SHANK2: variants seen among roughly 807,000 people sequenced by gnomAD.
SHANK2 encodes SH3 and multiple ankyrin repeat domains 2.
Under a neutral mutation model 133.7 loss-of-function variants are expected in SHANK2, and 43 were observed. That is an observed-to-expected ratio of 0.32 (90% CI 0.25 to 0.41). The LOEUF (loss-of-function observed/expected upper bound fraction) is 0.41, where lower values mean the gene tolerates loss of function less well. Ranked by LOEUF, SHANK2 falls within the 10% of genes least tolerant of loss-of-function variation. SHANK2 has a pLI of 1.00. For synonymous variants in SHANK2, 1,017 were observed against 952.8 expected, an observed-to-expected ratio of 1.07 and a Z score of -1.24; for missense variants, 1,994 against 2,235.8, an observed-to-expected ratio of 0.89 and a Z score of 2.18.
At chr11:70,905,588 G>A (rs1555077757) in intron 10 of SHANK2, among the ~76,000 whole-genome samples, 1 of 152,130 alleles carries the variant, frequency 6.6e-6, no homozygotes, top group Non-Finnish European at 1.5e-5. Flanking sequence ...AGGTCATGAG[G>A]GTGGAGCCCT....
intron 17 of SHANK2, among the ~76,000 whole-genome samples, chr11:70,537,630 T>C (rs1477779000): frequency 3.3e-5 from 5 of 152,236 alleles, no homozygotes; most frequent in Admixed American, 1.3e-4. Flanking sequence ...CTCCCAGGAC[T>C]GTAGGGGAAC....
At chr11:70,863,637 A>C (rs1949299743) in intron 11 of SHANK2, 8 of 433,898 alleles carry the variant, frequency 1.8e-5, no homozygotes, top group Admixed American at 4.8e-5. Flanking sequence ...CTTTCAGTCA[A>C]CATCTGGTCC....
rs59714843 is a variant in SHANK2 at position 70,918,017 on chromosome 11, GTTTTTTTTT to G, written c.1108-21459_1108-21451del. On this transcript the variant is annotated intron_variant, in intron 10 of 25. Transcript: ENST00000601538. ...TGCACATATACCCCTGAACTTAAAA[GTTTTTTTTT>G]TTTTTTTTTTTTTTTTTTAAATAAG... is the stretch of plus-strand genomic sequence containing the variant. Among the ~76,000 whole-genome samples, 82 of 150,250 alleles carry G rather than the reference GTTTTTTTTT, an allele frequency of 5.5e-4. 1 individual carries two copies. Among genetic ancestry groups the G allele is most frequent in the Non-Finnish European group, 1.0e-3 (70 of 67,586 alleles).
chr11:70,544,723 C>A (rs2059667735), intron 17 of SHANK2, among the ~76,000 whole-genome samples: 1 of 152,226 alleles, frequency 6.6e-6, no homozygotes, highest in Non-Finnish European at 1.5e-5. Context: ...AAGGGGAGGC[C>A]CCTGCTGCTG....
intron 17 of SHANK2, among the ~76,000 whole-genome samples, chr11:70,536,498 G>A (rs1454217338): frequency 5.3e-5 from 8 of 152,080 alleles, no homozygotes; most frequent in African/African-American, 1.7e-4. Context: ...TGGTGAACCC[G>A]AGAGGCAGAA....
intron 14 of SHANK2, among the ~76,000 whole-genome samples, chr11:70,769,176 G>C (rs1055989741): frequency 6.6e-6 from 1 of 152,136 alleles, no homozygotes; most frequent in South Asian, 2.1e-4. Context: ...TGAATGACTC[G>C]CCTGAGAAGT....
intron 8 of SHANK2, among the ~76,000 whole-genome samples, chr11:71,087,367 G>A (rs1373879604): frequency 3.9e-5 from 6 of 152,148 alleles, no homozygotes; most frequent in African/African-American, 1.2e-4. Flanking sequence ...GGGAAAGGAC[G>A]GAGCTCCAGG....
intron 11 of SHANK2, among the ~76,000 whole-genome samples, chr11:70,850,351 A>G (rs1240153856): frequency 2.6e-5 from 4 of 152,150 alleles, no homozygotes; most frequent in African/African-American, 9.7e-5. Flanking sequence ...CCTGCCCCCA[A>G]GGCCAGAGAA....
At chr11:71,135,784 C>T (rs1378354232) in intron 3 of SHANK2, among the ~76,000 whole-genome samples, 4 of 152,068 alleles carry the variant, frequency 2.6e-5, no homozygotes, top group Non-Finnish European at 4.4e-5. Flanking sequence ...ATCCTCAGAC[C>T]GGGAAGAAGT....
intron 13 of SHANK2, among the ~76,000 whole-genome samples, chr11:70,801,366 G>A (rs1037226634): frequency 1.3e-5 from 2 of 152,130 alleles, no homozygotes; most frequent in Admixed American, 6.5e-5. Context: ...AGAGCAGGAC[G>A]TGTGCCGAGG....
intron 2 of SHANK2, among the ~76,000 whole-genome samples, chr11:71,218,012 G>A (rs539529691): frequency 8.6e-4 from 130 of 151,470 alleles, no homozygotes; most frequent in Non-Finnish European, 1.3e-3. Flanking sequence ...CACCACGCCC[G>A]GCTAATTTTT....
chr11:70,797,495 C>T (rs1291757304), intron 14 of SHANK2, among the ~76,000 whole-genome samples: 1 of 152,186 alleles, frequency 6.6e-6, no homozygotes, highest in Non-Finnish European at 1.5e-5. Flanking sequence ...CTAGAGACTG[C>T]AAAGCCAGCC....
At chr11:70,651,469 G>A (rs1177922310) in intron 17 of SHANK2, among the ~76,000 whole-genome samples, 3 of 152,192 alleles carry the variant, frequency 2.0e-5, no homozygotes, top group Non-Finnish European at 4.4e-5. Flanking sequence ...CCGCCATCCA[G>A]GGCTCCCCAC....
rs1954806404 is a variant in SHANK2 at position 71,234,923 on chromosome 11, A to G, written c.-112-10127T>C. 3.3e-5 allele frequency among the ~76,000 whole-genome samples: 5 copies of G among 152,174 alleles called. No individual in the cohort carries two copies. The South Asian group carries it at 1.0e-3, about 32-fold the overall frequency. On this transcript the variant is annotated intron_variant, in intron 1 of 25. Coordinates refer to ENST00000601538, the MANE Select transcript of SHANK2 (RefSeq NM_012309.5). ...GCACATTTTACAACAGCCAAAACCC[A>G]GAAAGAACAAAACACCCACCCACAC... is the stretch of plus-strand genomic sequence containing the variant.
At chr11:70,670,382 G>A (rs977989871) in intron 15 of SHANK2, among the ~76,000 whole-genome samples, 7 of 152,350 alleles carry the variant, frequency 4.6e-5, no homozygotes, top group African/African-American at 1.7e-4. Flanking sequence ...CAGCAGTTAC[G>A]TGGGGGGTGT....
At chr11:70,646,923 C>G (rs1385456313) in intron 17 of SHANK2, among the ~76,000 whole-genome samples, 2 of 151,858 alleles carry the variant, frequency 1.3e-5, no homozygotes, top group Non-Finnish European at 1.5e-5. Flanking sequence ...TGCAGTGGCA[C>G]AATCTCGGCT....
chr11:70,885,380 G>A (rs937126652), intron 11 of SHANK2, among the ~76,000 whole-genome samples: 2 of 152,190 alleles, frequency 1.3e-5, no homozygotes, highest in African/African-American at 2.4e-5. Flanking sequence ...CCCAGAAGAC[G>A]GAAGGAGTCG....
In SHANK2 at chr11:70,560,526, C is replaced by T. The variant is rs1220150865; in HGVS notation, c.2062-57595G>A. 1.2e-3 allele frequency among the ~76,000 whole-genome samples: 22 copies of T among 17,882 alleles called. 1 individual carries two copies. In the East Asian group the frequency reaches 0.028, roughly 23 times the overall value. 11.7% of individuals were successfully genotyped at this position (17,882 alleles called of 152,430 possible). On this transcript the variant is annotated intron_variant, in intron 17 of 25. Transcript: ENST00000601538. The stretch of plus-strand genomic sequence containing the variant: ...TTTTTTTTTGGTAGAAAAGGACAAG[C>T]TGATTGTAAAATTCATGGGAAATGC...
chr11:70,533,366 A>AG (rs2059502628), intron 17 of SHANK2, among the ~76,000 whole-genome samples: 1 of 152,200 alleles, frequency 6.6e-6, no homozygotes, highest in African/African-American at 2.4e-5. Flanking sequence ...TTGGGATTAC[A>AG]GGTGTGAGCC....
Sources: allele counts gnomAD v4.1 joint callset (sites outside exome capture counted in the v4.1 genomes callset), GRCh38; gene constraint gnomAD v4.1.1; transcripts MANE v1.5; gene names NCBI Gene and HGNC (gene_info 2026-07-23, HGNC 2026-07-21).